The following PLA2G7 variants were observed in gnomAD, a reference collection of about 807,000 sequenced individuals.
PLA2G7 encodes the protein platelet-activating factor acetylhydrolase.
A neutral mutation model predicts 49.6 loss-of-function variants in PLA2G7; 63 were observed. The observed-to-expected ratio is 1.27, with a 90% CI of 1.04 to 1.57. PLA2G7 has a LOEUF of 1.57. Among genes scored for constraint, PLA2G7 ranks in the 40% most tolerant of loss-of-function variants. The pLI is 0.00. For missense variants in PLA2G7, 596 were observed against 521.2 expected, an observed-to-expected ratio of 1.14 and a Z score of -1.40; for synonymous variants, 193 against 169.9, an observed-to-expected ratio of 1.14 and a Z score of -1.06.
intron 1 of PLA2G7, among the ~76,000 whole-genome samples, chr6:46,733,599 G>A (rs1765800158): frequency 6.6e-6 from 1 of 152,232 alleles, no homozygotes; most frequent in South Asian, 2.1e-4. Flanking sequence ...CAGTGCCCAA[G>A]TGCAAGGAGC....
intron 1 of PLA2G7, among the ~76,000 whole-genome samples, chr6:46,729,006 G>A (rs1765652800): frequency 1.3e-5 from 2 of 152,118 alleles, no homozygotes; most frequent in Non-Finnish European, 2.9e-5. Flanking sequence ...CCCTGATAAT[G>A]GGGTTCTTAT....
chr6:46,716,636 C>T, intron 3 of PLA2G7, 108 bp from the exon 4 acceptor site: 1 of 1,152,794 alleles, frequency 8.7e-7, no homozygotes, highest in Non-Finnish European at 1.3e-6. Flanking sequence ...TCTGTGTTCA[C>T]AAAAAGGTCT....
At chr6:46,721,184 G>A (rs1280147559) in intron 2 of PLA2G7, among the ~76,000 whole-genome samples, 1 of 151,946 alleles carries the variant, frequency 6.6e-6, no homozygotes, top group Admixed American at 6.6e-5. Context: ...AGGACTACAG[G>A]TGTGCACCAC....
At chr6:46,709,665 T>A (rs1230635223) in intron 8 of PLA2G7, among the ~76,000 whole-genome samples, 1 of 152,208 alleles carries the variant, frequency 6.6e-6, no homozygotes, top group Non-Finnish European at 1.5e-5. Context: ...CTTAATGTTC[T>A]TTGTAGTCAC....
rs75351523 is a variant in PLA2G7 at position 46,721,547 on chromosome 6, G to A, written c.109+1236C>T. Among the ~76,000 whole-genome samples the A allele has an allele frequency of 8.3e-4, 125 of 151,256 alleles. 2 individuals carry two copies. In the East Asian group the frequency reaches 0.023, roughly 27 times the overall value. On this transcript the variant is annotated intron_variant, in intron 2 of 11. Transcript: ENST00000274793. ...AAAGTGAAGGATATAAATGTTTCCCGAATGATGATTTTCCCACCATCTAAG... is the reference window on the plus strand; with the variant it reads ...AAAGTGAAGGATATAAATGTTTCCCAAATGATGATTTTCCCACCATCTAAG...
At chr6:46,707,074 T>C (rs1764853753) in intron 10 of PLA2G7, among the ~76,000 whole-genome samples, 1 of 152,156 alleles carries the variant, frequency 6.6e-6, no homozygotes, top group Non-Finnish European at 1.5e-5. Context: ...TAATATCTCA[T>C]CGAGAGTTCA....
At chr6:46,733,730 A>G (rs1765804436) in intron 1 of PLA2G7, among the ~76,000 whole-genome samples, 1 of 152,160 alleles carries the variant, frequency 6.6e-6, no homozygotes, top group Admixed American at 6.5e-5. Context: ...GTGCCTCGTG[A>G]CCAGAAGGCC....
intron 8 of PLA2G7, 44 bp from the exon 9 acceptor site, chr6:46,709,462 G>A: frequency 1.9e-6 from 2 of 1,064,016 alleles, no homozygotes; most frequent in Non-Finnish European, 2.9e-6. Flanking sequence ...ATTTCGTGGT[G>A]TTAGAAGAAA....
chr6:46,714,347 A>G (rs998377166), intron 5 of PLA2G7, 113 bp downstream of exon 5: 1 of 786,156 alleles, frequency 1.3e-6, no homozygotes, highest in Non-Finnish European at 2.3e-6. Flanking sequence ...AGGAAACCCA[A>G]CTCCTCCAGA....
At chr6:46,715,182 G>A (rs2150699749) in intron 4 of PLA2G7, among the ~76,000 whole-genome samples, 2 of 152,248 alleles carry the variant, frequency 1.3e-5, no homozygotes, top group South Asian at 4.1e-4. Context: ...ATTTTAAAGG[G>A]AATGTTCTGA....
At chr6:46,716,643 G>T (rs1436743142) in intron 3 of PLA2G7, 115 bp from the exon 4 acceptor site, 3 of 1,061,256 alleles carry the variant, frequency 2.8e-6, no homozygotes, top group South Asian at 1.5e-5. Context: ...TCACAAAAAG[G>T]TCTAAAGAAC....
chr6:46,721,584 T>C (rs558783149), intron 2 of PLA2G7, among the ~76,000 whole-genome samples: 6 of 150,910 alleles, frequency 4.0e-5, no homozygotes, highest in African/African-American at 1.5e-4. Context: ...TATTACCTGT[T>C]CTCAATCCAT....
intron 8 of PLA2G7, among the ~76,000 whole-genome samples, chr6:46,710,149 CT>C (rs1260486276): frequency 6.6e-6 from 1 of 152,168 alleles, no homozygotes; most frequent in Non-Finnish European, 1.5e-5. Context: ...GCCACACACA[CT>C]TTTGAGTCTT....
At position 46,711,555 on chromosome 6, in the gene PLA2G7, A is replaced by T; in HGVS notation, c.604T>A (p.Ser202Thr). The T allele has an allele frequency of 6.2e-7, 1 of 1,613,758 alleles. No individual in the cohort carries two copies. Among genetic ancestry groups the T allele is most frequent in the Non-Finnish European group, 8.5e-7 (1 of 1,179,652 alleles). ...TTCAGGGTTCTAAGGTAGAGCCAAGACTTGTCCCCTATTTCTGCAGCAGAT... is the reference window on the plus strand; with the variant it reads ...TTCAGGGTTCTAAGGTAGAGCCAAGTCTTGTCCCCTATTTCTGCAGCAGAT... Reference protein sequence around the residue: ...DQSAAEIGDKSWLYLRTLKQE... With the variant: ...DQSAAEIGDKTWLYLRTLKQE... The change falls in exon 7 of 12, where the codon TCT becomes ACT. Residue 202 changes from serine to threonine, a missense_variant. Ser to Thr is a moderately conservative substitution (Grantham distance 58). Transcript: ENST00000274793.
intron 1 of PLA2G7, among the ~76,000 whole-genome samples, chr6:46,734,355 G>A (rs573288677): frequency 6.6e-6 from 1 of 151,172 alleles, no homozygotes; most frequent in Non-Finnish European, 1.5e-5. Context: ...GTGAGAGAGA[G>A]AGCGGAGGGA....
Position 46,704,453 on chromosome 6 carries a change from C to G in PLA2G7, c.*107G>C. 9.8e-6 allele frequency: 5 copies of G among 510,920 alleles called. No homozygotes were observed. Among genetic ancestry groups the G allele is most frequent in the Non-Finnish European group, 1.8e-5 (5 of 280,862 alleles). 31.6% of individuals were successfully genotyped at this position (510,920 alleles called of 1,614,324 possible). ...AAATACATTAAAATTCTCTCTCTCT[C>G]TCTCTCTCTCTCTCTCTCTCTCTCT... On this transcript the variant is annotated 3_prime_UTR_variant, in exon 12 of 12. Coordinates refer to ENST00000274793, the MANE Select transcript of PLA2G7 (RefSeq NM_005084.4).
At chr6:46,719,884 A>T (rs1303421710) in intron 2 of PLA2G7, among the ~76,000 whole-genome samples, 1 of 152,132 alleles carries the variant, frequency 6.6e-6, no homozygotes, top group African/African-American at 2.4e-5. Flanking sequence ...AGCAGGTCTA[A>T]CCTCTCCCCA....
rs986162553 is a variant in PLA2G7 at position 46,711,627 on chromosome 6, A to G, written c.540-8T>C. ...GCAGATGCAGATCTATCTCTATAAT[A>G]CAAGCAAAATTATTATTTATGCATG... On this transcript the variant is annotated splice_polypyrimidine_tract_variant and splice_region_variant and intron_variant, in intron 6 of 11. Transcript: ENST00000274793. 8 of 1,613,222 alleles carry G rather than the reference A, an allele frequency of 5.0e-6. No individual in the cohort carries two copies. Among genetic ancestry groups the G allele is most frequent in the Non-Finnish European group, 6.8e-6 (8 of 1,179,320 alleles).
chr6:46,718,868 G>A (rs573637019), intron 2 of PLA2G7, among the ~76,000 whole-genome samples: 1 of 152,298 alleles, frequency 6.6e-6, no homozygotes, highest in African/African-American at 2.4e-5. Context: ...TTAACACAGT[G>A]TCTGGCACAT....
Sources: allele counts gnomAD v4.1 joint callset (sites outside exome capture counted in the v4.1 genomes callset), GRCh38; gene constraint gnomAD v4.1.1; transcripts MANE v1.5; gene names NCBI Gene and HGNC (gene_info 2026-07-23, HGNC 2026-07-21).